Variants in SMCO2 observed in about 807,000 individuals in gnomAD.
SMCO2 encodes single-pass membrane and coiled-coil domain-containing protein 2.
A neutral mutation model predicts 29.5 loss-of-function variants in SMCO2; 25 were observed. The ratio of observed to expected loss-of-function variants is 0.85; its 90% confidence interval spans 0.62 to 1.18. SMCO2 has a LOEUF of 1.18. Ranked by LOEUF, SMCO2 falls within the 50% of genes most tolerant of loss-of-function variation. SMCO2 has a pLI of 0.00. For synonymous variants in SMCO2, 117 were observed against 123.3 expected (o/e 0.95, Z 0.34); for missense variants, 348 against 344.5 (o/e 1.01, Z -0.08).
the SMCO2 span, among the ~76,000 whole-genome samples, chr12:27,451,581 C>T: frequency 6.6e-6 from 1 of 152,238 alleles, no homozygotes; most frequent in African/African-American, 2.4e-5. Flanking sequence ...CTCCACAAAG[C>T]ACCTCACAGC....
chr12:27,443,983 A>G, the SMCO2 span, among the ~76,000 whole-genome samples: 1 of 152,224 alleles, frequency 6.6e-6, no homozygotes, highest in Non-Finnish European at 1.5e-5. Flanking sequence ...CCTAAAATTT[A>G]TATGGAACCA....
At chr12:27,464,334 A>T (rs1299005486), upstream of SMCO2, among the ~76,000 whole-genome samples, 1 of 152,148 alleles carries the variant, frequency 6.6e-6, no homozygotes, top group African/African-American at 2.4e-5. Flanking sequence ...AGCTGGCAGC[A>T]TTCAGGGGCT....
upstream of SMCO2, among the ~76,000 whole-genome samples, chr12:27,464,873 A>C (rs561284868): frequency 1.3e-3 from 196 of 150,440 alleles, no homozygotes; most frequent in South Asian, 3.6e-3. Context: ...CACACACACA[A>C]AAAAAATTAG....
chr12:27,442,559 A>G, the SMCO2 span, among the ~76,000 whole-genome samples: 4 of 152,228 alleles, frequency 2.6e-5, no homozygotes, highest in South Asian at 2.1e-4. Flanking sequence ...GTCTCTTATC[A>G]AAGAAAAGCC....
the SMCO2 span, among the ~76,000 whole-genome samples, chr12:27,456,222 A>T: frequency 9.8e-5 from 15 of 152,356 alleles, no homozygotes; most frequent in South Asian, 2.1e-4. Context: ...TCTCAAAAAA[A>T]ACGAAATAAC....
chr12:27,440,630 G>C, the SMCO2 span, among the ~76,000 whole-genome samples: 26 of 145,550 alleles, frequency 1.8e-4, 1 homozygote, highest in African/African-American at 6.7e-4. Context: ...TGGAGTTAAA[G>C]TGTGGAATTT....
At chr12:27,447,913 C>T in the SMCO2 span, among the ~76,000 whole-genome samples, 2 of 152,058 alleles carry the variant, frequency 1.3e-5, no homozygotes, top group Non-Finnish European at 2.9e-5. Flanking sequence ...AGCCGAGTGC[C>T]TCTCCTATGT....
intron 7 of SMCO2, 97 bp downstream of exon 8, chr12:27,495,952 T>C (rs1478332192): frequency 1.4e-5 from 17 of 1,193,912 alleles, no homozygotes; most frequent in South Asian, 3.1e-5. Context: ...ACTAAAATGT[T>C]TTGTTTTATT....
At chr12:27,429,492 T>A in the SMCO2 span, among the ~76,000 whole-genome samples, 2 of 146,322 alleles carry the variant, frequency 1.4e-5, no homozygotes, top group African/African-American at 5.0e-5. Flanking sequence ...AAAAAAAAAA[T>A]AGTCCCCACC....
chr12:27,430,571 A>T, the SMCO2 span, among the ~76,000 whole-genome samples: 11 of 152,314 alleles, frequency 7.2e-5, no homozygotes, highest in Non-Finnish European at 1.2e-4. Flanking sequence ...AACTTTTGTT[A>T]TATACAGAAA....
At chr12:27,496,878 G>T (rs1435148960) in intron 7 of SMCO2, 1 of 150,980 alleles carries the variant, frequency 6.6e-6, no homozygotes. Context: ...ATACACAAAA[G>T]CATGAATCTT....
upstream of SMCO2, among the ~76,000 whole-genome samples, chr12:27,463,689 C>T (rs779805447): frequency 3.3e-5 from 5 of 152,226 alleles, no homozygotes; most frequent in East Asian, 1.9e-4. Context: ...CAACCCACCA[C>T]GGAAATTGGA....
intron 5 of SMCO2, among the ~76,000 whole-genome samples, chr12:27,490,631 C>A (rs948186992): frequency 1.3e-5 from 2 of 152,106 alleles, no homozygotes; most frequent in Non-Finnish European, 2.9e-5. Flanking sequence ...AAAGGTGAAG[C>A]TTTAAATGTA....
the SMCO2 span, among the ~76,000 whole-genome samples, chr12:27,441,911 A>G: frequency 0.74 from 112,524 of 152,170 alleles, 42,306 homozygotes; most frequent in African/African-American, 0.85. Flanking sequence ...AACAAGAGCA[A>G]CCTTGGAAAA....
the SMCO2 span, among the ~76,000 whole-genome samples, chr12:27,427,860 T>C: frequency 1.3e-5 from 2 of 152,202 alleles, no homozygotes; most frequent in Non-Finnish European, 2.9e-5. Flanking sequence ...GTTTTATTGT[T>C]ACTCAAATCA....
At position 27,491,214 on chromosome 12, in the gene SMCO2, A is replaced by T. The variant is rs1039855037; in HGVS notation, c.450+2667A>T. Among the ~76,000 whole-genome samples, 37 of 152,170 alleles carry T rather than the reference A, an allele frequency of 2.4e-4. 1 individual carries two copies. The highest frequency in any genetic ancestry group is 1.3e-4 in the Admixed American group (2 of 15,272). ...AAGGCATGAAAAGAGAAGGAGGGAA[A>T]ATTGGTGAAATTATTTTTTAAAAAA... On this transcript the variant is annotated intron_variant, in intron 5 of 7. Coordinates refer to ENST00000298876, the Ensembl canonical transcript of SMCO2.
rs575669994 is a variant in SMCO2, at chr12:27,467,786, G to A, written c.-11+811G>A. 5.3e-5 allele frequency among the ~76,000 whole-genome samples: 8 copies of A among 152,228 alleles called. No individual in the cohort carries two copies. The East Asian group carries it at 1.3e-3, about 26-fold the overall frequency. On this transcript the variant is annotated intron_variant, in intron 1 of 7. Coordinates refer to ENST00000298876, the Ensembl canonical transcript of SMCO2. ...AGTCCCAGGTCATCTCTGTGTTCCA[G>A]TTTCTTCCTCTGATAAAATAGAGGT...
the SMCO2 span, among the ~76,000 whole-genome samples, chr12:27,425,988 C>G: frequency 1.3e-5 from 2 of 152,096 alleles, no homozygotes; most frequent in South Asian, 4.1e-4. Context: ...TAGGTTCTTT[C>G]CAGGTCAACA....
chr12:27,424,138 A>C, the SMCO2 span: 1 of 152,244 alleles, frequency 6.6e-6, no homozygotes, highest in Non-Finnish European at 1.5e-5. Flanking sequence ...AAATAAAATT[A>C]TACATGTGGC....
Sources: gnomAD v4.1 joint callset for allele counts (sites outside exome capture counted in the v4.1 genomes callset) on GRCh38, gnomAD v4.1.1 for gene constraint, MANE v1.5 for transcripts, NCBI Gene and HGNC (gene_info 2026-07-23, HGNC 2026-07-21) for gene names.